The following RGS7 variants were observed in gnomAD, a reference collection of about 807,000 sequenced individuals.
RGS7 encodes regulator of G-protein signaling 7.
A neutral mutation model predicts 81.1 loss-of-function variants in RGS7; 27 were observed. The observed-to-expected ratio is 0.33, with a 90% CI of 0.25 to 0.46. The LOEUF (loss-of-function observed/expected upper bound fraction) is 0.46, where lower values mean the gene tolerates loss of function less well. Ranked by LOEUF, RGS7 falls within the 20% of genes least tolerant of loss-of-function variation. RGS7 has a pLI of 1.00. For missense variants in RGS7, 396 were observed against 607.4 expected (o/e 0.65, Z 3.66); for synonymous variants, 208 against 207.7 (o/e 1.00, Z -0.01).
At chr1:241,147,146 A>T (rs565083643) in intron 2 of RGS7, among the ~76,000 whole-genome samples, 1 of 152,278 alleles carries the variant, frequency 6.6e-6, no homozygotes, top group Non-Finnish European at 1.5e-5. Flanking sequence ...TAACACACAC[A>T]CACGACTCCA....
In RGS7 at chr1:240,883,902, C is replaced by A. The variant is rs941166008; in HGVS notation, c.386-13783G>T. Among the ~76,000 whole-genome samples, 10 of 151,902 alleles carry A rather than the reference C, an allele frequency of 6.6e-5. No homozygotes were observed. In the South Asian group the frequency reaches 2.1e-3, roughly 32 times the overall value. On this transcript the variant is annotated intron_variant, in intron 6 of 18. Coordinates refer to ENST00000440928, the MANE Select transcript of RGS7 (RefSeq NM_001364886.1). The stretch of plus-strand genomic sequence containing the variant: ...ACCAGCCTGGCCAACATGGTGAAAC[C>A]CCGTCTCTACTAAAAATACAAAAAT...
intron 2 of RGS7, among the ~76,000 whole-genome samples, chr1:241,343,951 G>A (rs2082726950): frequency 6.6e-6 from 1 of 152,158 alleles, no homozygotes; most frequent in African/African-American, 2.4e-5. Flanking sequence ...CGTTGAGTAA[G>A]AGGTGTCCCT....
At chr1:240,970,840 G>C (rs115761811) in intron 4 of RGS7, among the ~76,000 whole-genome samples, 1 of 152,004 alleles carries the variant, frequency 6.6e-6, no homozygotes, top group Non-Finnish European at 1.5e-5. Flanking sequence ...AAAAATTAGC[G>C]TGGTGGTGTG....
intron 5 of RGS7, among the ~76,000 whole-genome samples, chr1:240,933,601 T>C (rs969130563): frequency 4.6e-5 from 7 of 152,048 alleles, no homozygotes; most frequent in Admixed American, 3.9e-4. Context: ...GGAATTTAAA[T>C]ACATACTTTC....
At chr1:241,174,044 A>C (rs1445108011) in intron 2 of RGS7, among the ~76,000 whole-genome samples, 5 of 152,358 alleles carry the variant, frequency 3.3e-5, no homozygotes, top group Admixed American at 3.3e-4. Flanking sequence ...AAAGATGCAA[A>C]TCATTCCCAA....
chr1:240,866,393 C>T (rs1663261774), intron 9 of RGS7, among the ~76,000 whole-genome samples: 1 of 152,060 alleles, frequency 6.6e-6, no homozygotes, highest in African/African-American at 2.4e-5. Context: ...CACCTGTAGT[C>T]CCAGCTACTC....
At chr1:241,306,481 C>T (rs1435131961) in intron 2 of RGS7, among the ~76,000 whole-genome samples, 4 of 151,242 alleles carry the variant, frequency 2.6e-5, no homozygotes, top group African/African-American at 9.7e-5. Context: ...CTCACACACA[C>T]ACGCACACAT....
At chr1:240,957,920 C>T (rs1395178891) in intron 4 of RGS7, among the ~76,000 whole-genome samples, 1 of 152,144 alleles carries the variant, frequency 6.6e-6, no homozygotes, top group Non-Finnish European at 1.5e-5. Flanking sequence ...CAAAGAAACA[C>T]ATAGGATGAA....
At chr1:241,065,015 C>T (rs1258597318) in intron 3 of RGS7, among the ~76,000 whole-genome samples, 2 of 151,980 alleles carry the variant, frequency 1.3e-5, no homozygotes, top group Non-Finnish European at 2.9e-5. Context: ...GCTGCCTCAT[C>T]ATTGTATTTT....
chr1:240,824,776 A>G (rs1266765520), intron 10 of RGS7, among the ~76,000 whole-genome samples: 1 of 152,224 alleles, frequency 6.6e-6, no homozygotes, highest in Non-Finnish European at 1.5e-5. Context: ...TGAAGAGGAA[A>G]TAAAGGTTAG....
At chr1:241,174,929 G>A (rs1245114680) in intron 2 of RGS7, among the ~76,000 whole-genome samples, 3 of 110,408 alleles carry the variant, frequency 2.7e-5, no homozygotes, top group African/African-American at 1.1e-4. Flanking sequence ...TTGAGACGGA[G>A]TCCCGAACTG....
chr1:241,114,049 G>A (rs974193820), intron 2 of RGS7, among the ~76,000 whole-genome samples: 1 of 152,082 alleles, frequency 6.6e-6, no homozygotes, highest in African/African-American at 2.4e-5. Flanking sequence ...TATCTTTTGG[G>A]AAACTGAGTA....
At chr1:240,846,414 T>G (rs1659094666) in intron 9 of RGS7, among the ~76,000 whole-genome samples, 1 of 152,106 alleles carries the variant, frequency 6.6e-6, no homozygotes, top group Non-Finnish European at 1.5e-5. Flanking sequence ...GTATACAGGA[T>G]TATCCCCTTA....
chr1:240,893,290 A>C (rs1044622718), intron 6 of RGS7, among the ~76,000 whole-genome samples: 2 of 152,216 alleles, frequency 1.3e-5, no homozygotes, highest in Non-Finnish European at 2.9e-5. Flanking sequence ...TAACTTATCC[A>C]TTGCATTATT....
At chr1:241,135,960 C>CAAA (rs61617683) in intron 2 of RGS7, among the ~76,000 whole-genome samples, 129 of 74,344 alleles carry the variant, frequency 1.7e-3, no homozygotes, top group African/African-American at 4.4e-3. Context: ...ATGATAATGA[C>CAAA]AAAAAAAAAA....
At chr1:241,128,998 A>G (rs2066893494) in intron 2 of RGS7, among the ~76,000 whole-genome samples, 1 of 152,218 alleles carries the variant, frequency 6.6e-6, no homozygotes, top group Non-Finnish European at 1.5e-5. Context: ...TAACGGAAGG[A>G]CAACTACTAT....
chr1:241,291,570 C>CTTTTTTTTTTTTTTTTTTTTTTTTT (rs397947911), intron 2 of RGS7, among the ~76,000 whole-genome samples: 4 of 94,164 alleles, frequency 4.2e-5, no homozygotes, highest in African/African-American at 1.6e-4. Flanking sequence ...GAATTCCCAG[C>CTTTTTTTTTTTTTTTTTTTTTTTTT]TTTTTTTTTT....
At chr1:241,306,330 TACAC>T (rs1351157630) in intron 2 of RGS7, among the ~76,000 whole-genome samples, 4 of 145,328 alleles carry the variant, frequency 2.8e-5, no homozygotes, top group African/African-American at 1.0e-4. Flanking sequence ...TCCACACCCT[TACAC>T]ACATCCTCAC....
chr1:240,950,358 C>T (rs1023813666), intron 4 of RGS7, among the ~76,000 whole-genome samples: 5 of 152,172 alleles, frequency 3.3e-5, no homozygotes, highest in Non-Finnish European at 5.9e-5. Context: ...GCCTCTACCC[C>T]AAAGGAAAGA....
Sources: gnomAD v4.1 joint callset for allele counts (sites outside exome capture counted in the v4.1 genomes callset) on GRCh38, gnomAD v4.1.1 for gene constraint, MANE v1.5 for transcripts, NCBI Gene and HGNC (gene_info 2026-07-23, HGNC 2026-07-21) for gene names.